AEBP2: variants seen among roughly 807,000 people sequenced by gnomAD.
AEBP2 encodes AE binding protein 2, also known as zinc finger protein AEBP2.
Under a neutral mutation model 50.8 loss-of-function variants are expected in AEBP2, and 10 were observed. The ratio of observed to expected loss-of-function variants is 0.20; its 90% confidence interval spans 0.12 to 0.33. The LOEUF is 0.33. Ranked by LOEUF, AEBP2 falls within the 10% of genes least tolerant of loss-of-function variation. AEBP2 has a pLI of 1.00. For synonymous variants in AEBP2, 296 were observed against 261.3 expected (o/e 1.13, Z -1.28); for missense variants, 570 against 688.0 (o/e 0.83, Z 1.92).
At position 19,440,131 on chromosome 12, in the gene AEBP2, C is replaced by T. The variant is rs1428892938; in HGVS notation, c.432C>T (p.Ala144=). The part of the protein sequence containing the change: ...SDETRSLSPG[A]ASSSSGDGDG... ...AGACCCGCTCGTTGAGCCCCGGCGC[C>T]GCCAGCAGCAGCAGCGGGGATGGGG... Residue 144 remains alanine (A), a synonymous_variant, in exon 1 of 8, where the codon GCC becomes GCT. Transcript: ENST00000266508. The T allele has an allele frequency of 2.7e-6, 4 of 1,503,878 alleles. No homozygotes were observed. The highest frequency in any genetic ancestry group is 1.5e-5 in the African/African-American group (1 of 68,918). The allele number at this position is 1,503,878 out of a possible 1,614,324, so 93.2% of individuals were successfully genotyped here.
At chr12:19,490,880 G>A (rs1194989403) in intron 3 of AEBP2, among the ~76,000 whole-genome samples, 3 of 152,196 alleles carry the variant, frequency 2.0e-5, no homozygotes, top group African/African-American at 7.2e-5. Context: ...TAGTGTTGGC[G>A]AGAATGTGGA....
chr12:19,427,031 T>C (rs564974222), intron 1 of AEBP2, among the ~76,000 whole-genome samples: 3 of 152,158 alleles, frequency 2.0e-5, no homozygotes, highest in East Asian at 3.8e-4. Context: ...ATCCAATTGA[T>C]TGAGGATTTG....
rs533725528 is a variant in AEBP2 at position 19,429,140 on chromosome 12, A to G, written c.-17+24924A>G. 1.3e-4 allele frequency among the ~76,000 whole-genome samples: 20 copies of G among 152,152 alleles called. No individual in the cohort carries two copies. The East Asian group carries it at 3.9e-3, about 29-fold the overall frequency. ...TATCCCTCCCCAATCCTCTCACCCCACAACAGGCCCCGGTGTGTGATGTTC... is the reference window on the plus strand; with the variant it reads ...TATCCCTCCCCAATCCTCTCACCCCGCAACAGGCCCCGGTGTGTGATGTTC... On this transcript the variant is annotated intron_variant, in intron 1 of 3. Transcript: ENST00000538425.
rs760844471 is a variant in AEBP2 at position 19,439,782 on chromosome 12, C to T, written c.83C>T (p.Ala28Val). The T allele has an allele frequency of 2.0e-6, 3 of 1,514,404 alleles. No homozygotes were observed. The highest frequency in any genetic ancestry group is 2.4e-5 in the South Asian group (2 of 82,982). 93.8% of individuals were successfully genotyped at this position (1,514,404 alleles called of 1,614,324 possible). ...SPLPPGSPGS[A>V]ARGRAEPPEE... ...CTGCCCCCCGGCAGCCCGGGTTCGGCGGCGCGGGGCCGGGCTGAGCCCCCC... is the reference window on the plus strand; with the variant it reads ...CTGCCCCCCGGCAGCCCGGGTTCGGTGGCGCGGGGCCGGGCTGAGCCCCCC... Residue 28 changes from alanine (A) to valine (V), a missense_variant, in exon 1 of 8, where the codon GCG becomes GTG. This residue lies in a region of AEBP2 where 386 missense variants were observed against 336.8 expected (regional missense o/e 1.15). Coordinates refer to ENST00000266508, the MANE Select transcript of AEBP2 (RefSeq NM_153207.5).
chr12:19,492,867 C>A (rs1448708141), intron 3 of AEBP2, among the ~76,000 whole-genome samples: 1 of 151,840 alleles, frequency 6.6e-6, no homozygotes, highest in Non-Finnish European at 1.5e-5. Flanking sequence ...GTACCACCAC[C>A]TGGGAGGCTG....
intron 2 of AEBP2, among the ~76,000 whole-genome samples, chr12:19,470,707 A>G (rs1357770209): frequency 6.6e-6 from 1 of 152,174 alleles, no homozygotes; most frequent in African/African-American, 2.4e-5. Flanking sequence ...TGCTCATAGG[A>G]AAAAAATTAG....
chr12:19,448,172 G>C (rs1228394238), intron 1 of AEBP2, among the ~76,000 whole-genome samples: 1 of 152,142 alleles, frequency 6.6e-6, no homozygotes, highest in Non-Finnish European at 1.5e-5. Flanking sequence ...CTCCCAAAGT[G>C]CTGGGATTAC....
At chr12:19,448,607 A>T (rs10841230) in intron 1 of AEBP2, among the ~76,000 whole-genome samples, 59,922 of 152,072 alleles carry the variant, frequency 0.39, 13,816 homozygotes, top group Non-Finnish European at 0.54. Flanking sequence ...CTTAATGTGG[A>T]AATACCTGAT....
At chr12:19,407,983 G>T (rs1241548874) in intron 1 of AEBP2, among the ~76,000 whole-genome samples, 1 of 151,756 alleles carries the variant, frequency 6.6e-6, no homozygotes, top group Non-Finnish European at 1.5e-5. Flanking sequence ...CCCCGGAGGC[G>T]GAGGTTATAG....
chr12:19,440,767 A>T, intron 1 of AEBP2: 1 of 1,533,224 alleles, frequency 6.5e-7, no homozygotes, highest in Non-Finnish European at 8.7e-7. Context: ...ACTTGTCAGA[A>T]CTACAATTGA....
At chr12:19,442,786 C>G (rs1294762857) in intron 1 of AEBP2, among the ~76,000 whole-genome samples, 1 of 152,148 alleles carries the variant, frequency 6.6e-6, no homozygotes, top group Non-Finnish European at 1.5e-5. Context: ...AATTCTGAAA[C>G]ATCTTCTTGT....
At chr12:19,413,985 C>G (rs915135562) in intron 1 of AEBP2, among the ~76,000 whole-genome samples, 1 of 151,976 alleles carries the variant, frequency 6.6e-6, no homozygotes, top group African/African-American at 2.4e-5. Context: ...CCTCTGCTGC[C>G]TAGGTCCAAG....
intron 5 of AEBP2, 57 bp downstream of exon 5, chr12:19,500,278 C>T: frequency 5.2e-6 from 7 of 1,338,318 alleles, no homozygotes; most frequent in Non-Finnish European, 6.9e-6. Context: ...AAAATATTTC[C>T]ACAATCATTT....
chr12:19,449,407 TA>T (rs1555182150), intron 1 of AEBP2, among the ~76,000 whole-genome samples: 1 of 152,226 alleles, frequency 6.6e-6, no homozygotes, highest in Non-Finnish European at 1.5e-5. Context: ...GCTGATATTT[TA>T]AGCTGGATGA....
intron 2 of AEBP2, among the ~76,000 whole-genome samples, chr12:19,472,731 A>G (rs1376113176): frequency 6.6e-6 from 1 of 152,188 alleles, no homozygotes; most frequent in Non-Finnish European, 1.5e-5. Flanking sequence ...GGATATCACC[A>G]GTAAAAGATT....
In AEBP2 at chr12:19,485,953, T is replaced by C. The variant is rs942374894; in HGVS notation, c.988-7847T>C. On this transcript the variant is annotated intron_variant, in intron 3 of 7. Coordinates refer to ENST00000266508, the MANE Select transcript of AEBP2 (RefSeq NM_153207.5). ...ATGTTTGAGGTGAGCCTCTGCTTTT[T>C]TTTTTTTTTTTTTTTCATTTTGTTT... Among the ~76,000 whole-genome samples, 4 of 146,708 alleles carry C rather than the reference T, an allele frequency of 2.7e-5. 1 individual carries two copies. Among genetic ancestry groups the C allele is most frequent in the African/African-American group, 1.0e-4 (4 of 39,160 alleles).
intron 1 of AEBP2, among the ~76,000 whole-genome samples, chr12:19,443,662 A>G (rs1032043717): frequency 2.6e-5 from 4 of 152,122 alleles, no homozygotes; most frequent in Non-Finnish European, 4.4e-5. Context: ...GGCGGAGGTT[A>G]CAGTGAGCTG....
intron 1 of AEBP2, among the ~76,000 whole-genome samples, chr12:19,413,771 G>A (rs2095740698): frequency 6.6e-6 from 1 of 152,146 alleles, no homozygotes; most frequent in South Asian, 2.1e-4. Context: ...CTGTCATGGT[G>A]CTGCTGGTAG....
intron 2 of AEBP2, among the ~76,000 whole-genome samples, chr12:19,469,055 G>A (rs1423268226): frequency 6.6e-6 from 1 of 152,152 alleles, no homozygotes; most frequent in African/African-American, 2.4e-5. Flanking sequence ...CTCCCAAGTA[G>A]CTGGGATTAC....
Sources: gnomAD v4.1 joint callset for allele counts (sites outside exome capture counted in the v4.1 genomes callset) on GRCh38, gnomAD v4.1.1 for gene constraint, gnomAD v4.1.1 regional missense constraint, MANE v1.5 for transcripts, NCBI Gene and HGNC (gene_info 2026-07-23, HGNC 2026-07-21) for gene names.